The following CEP295 variants were observed in gnomAD, a reference collection of about 807,000 sequenced individuals.
CEP295 encodes centrosomal protein of 295 kDa.
In CEP295, 190 loss-of-function variants were observed where a neutral mutation model predicts 291.6. The observed-to-expected ratio is 0.65, with a 90% confidence interval of 0.58 to 0.73. CEP295 has a LOEUF of 0.73. Among genes scored for constraint, CEP295 ranks in the 30% least tolerant of loss-of-function variants. CEP295 has a pLI of 0.00. For synonymous variants in CEP295, 993 were observed against 1,038.8 expected (o/e 0.96, Z 0.85); for missense variants, 2,863 against 2,949.4 (o/e 0.97, Z 0.68).
intron 10 of CEP295, among the ~76,000 whole-genome samples, chr11:93,690,978 G>A (rs1173670435): frequency 6.6e-6 from 1 of 152,086 alleles, no homozygotes; most frequent in Non-Finnish European, 1.5e-5. Context: ...TCAAGTGTCT[G>A]CTTAAATGTC....
At chr11:93,669,972 T>C (rs1163496814) in intron 5 of CEP295, among the ~76,000 whole-genome samples, 3 of 152,170 alleles carry the variant, frequency 2.0e-5, no homozygotes, top group Non-Finnish European at 4.4e-5. Context: ...GTATCTCTGA[T>C]GTATAAGGAC....
At chr11:93,716,428 A>G (rs111850180) in intron 18 of CEP295, among the ~76,000 whole-genome samples, 7 of 152,332 alleles carry the variant, frequency 4.6e-5, no homozygotes, top group African/African-American at 1.4e-4. Flanking sequence ...AGCGATATGA[A>G]GTTAAAACCA....
chr11:93,730,199 A>G (rs1938254310), intron 29 of CEP295, 32 bp from the exon 30 acceptor site: 1 of 1,551,300 alleles, frequency 6.4e-7, no homozygotes, highest in Non-Finnish European at 8.7e-7. Flanking sequence ...TGAAGTACAC[A>G]ACTGAAACTC....
intron 9 of CEP295, among the ~76,000 whole-genome samples, chr11:93,687,261 G>C (rs1951289653): frequency 1.3e-5 from 2 of 152,042 alleles, no homozygotes; most frequent in Admixed American, 1.3e-4. Flanking sequence ...CTCTAGTGTA[G>C]ACTATAGAAC....
intron 1 of CEP295, among the ~76,000 whole-genome samples, chr11:93,665,251 A>C (rs1338542800): frequency 6.6e-6 from 1 of 152,258 alleles, no homozygotes; most frequent in Admixed American, 6.5e-5. Flanking sequence ...AAATGGCAGT[A>C]ATAGGAGCCA....
Position 93,699,394 on chromosome 11 carries a change from T to C in CEP295, c.4482T>C (p.Ser1494=). 1 of 1,551,826 alleles carries C rather than the reference T, an allele frequency of 6.4e-7. No individual in the cohort carries two copies. The highest frequency in any genetic ancestry group is 8.7e-7 in the Non-Finnish European group (1 of 1,146,992). The change falls in exon 15 of 30, where the codon TCT becomes TCC. Residue 1494 remains serine, a synonymous_variant. Coordinates refer to ENST00000325212, the MANE Select transcript of CEP295 (RefSeq NM_033395.2). ...GTAAATTTGAGGAAAAGGTATCTTC[T>C]GAGCATTTTATCCAGTCTCACCATG... ...KPCKFEEKVS[S]EHFIQSHHGD...
Position 93,728,828 on chromosome 11 carries a change from T to TA in CEP295, c.7302+7_7302+8insA. ...AGCAAAATGCTTCTTTCAGGTAAAT[T>TA]TAAGCTTTCCTTCTATTTTATTCTA... On this transcript the variant is annotated splice_region_variant and intron_variant, in intron 25 of 29. Transcript: ENST00000325212. 1.3e-6 allele frequency: 2 copies of TA among 1,533,712 alleles called. No homozygotes were observed. The highest frequency in any genetic ancestry group is 1.8e-6 in the Non-Finnish European group (2 of 1,142,414).
In CEP295 at chr11:93,688,529, C is replaced by G. The variant is rs552510642; in HGVS notation, c.1336+664C>G. 1.3e-3 allele frequency among the ~76,000 whole-genome samples: 193 copies of G among 151,854 alleles called. 5 individuals carry two copies. Among genetic ancestry groups the G allele is most frequent in the Non-Finnish European group, 4.0e-4 (27 of 67,982 alleles). Reference sequence around the variant, plus strand: ...ATTTTATCCTGAGTCCCACAGGAAGCCTTCTTGAAGTATTTTCTTCCCTTG... The same window carrying G: ...ATTTTATCCTGAGTCCCACAGGAAGGCTTCTTGAAGTATTTTCTTCCCTTG... On this transcript the variant is annotated intron_variant, in intron 10 of 29. Transcript: ENST00000325212.
At chr11:93,712,995 G>C (rs1436584372) in intron 18 of CEP295, among the ~76,000 whole-genome samples, 1 of 150,976 alleles carries the variant, frequency 6.6e-6, no homozygotes, top group Non-Finnish European at 1.5e-5. Flanking sequence ...TTACCCTGAA[G>C]CTTGCAGATA....
In CEP295 at chr11:93,727,251, T is replaced by C. The variant is rs1236671093; in HGVS notation, c.6775T>C (p.Cys2259Arg). ...DQLNVQHSTP[C>R]GSNSSECSTK... is the part of the protein sequence containing the mutation. ...GTTAAATGTACAGCATAGCACTCCA[T>C]GTGGTTCTAACTCTAGTGAGTGCTC... The change falls in exon 24 of 30, where the codon TGT becomes CGT. Residue 2259 changes from cysteine to arginine, a missense_variant. Physicochemically the swap from Cys to Arg is radical, Grantham distance 180. Transcript: ENST00000325212. The C allele has an allele frequency of 1.3e-6, 2 of 1,551,750 alleles. No homozygotes were observed. The highest frequency in any genetic ancestry group is 2.4e-5 in the East Asian group (1 of 40,904).
At chr11:93,711,073 G>A (rs1183031208) in intron 18 of CEP295, among the ~76,000 whole-genome samples, 2 of 151,426 alleles carry the variant, frequency 1.3e-5, no homozygotes, top group Admixed American at 1.3e-4. Flanking sequence ...TTGATCTTTT[G>A]CATTATTTTA....
At position 93,696,759 on chromosome 11, in the gene CEP295, C is replaced by G. The variant is rs924604567; in HGVS notation, c.1847C>G (p.Ser616Trp). Residue 616 changes from serine to tryptophan, a missense_variant, in exon 15 of 30, where the codon TCG (serine) becomes TGG (tryptophan). Coordinates refer to ENST00000325212, the MANE Select transcript of CEP295 (RefSeq NM_033395.2). The part of the protein sequence containing the change: ...YQTMLKGRCP[S>W]VSAPSLITDS... Reference sequence around the variant, plus strand: ...ACTATGTTAAAAGGAAGGTGCCCATCGGTGTCAGCTCCATCATTGATAACT... The same window carrying G: ...ACTATGTTAAAAGGAAGGTGCCCATGGGTGTCAGCTCCATCATTGATAACT... 8.4e-6 allele frequency: 13 copies of G among 1,551,188 alleles called. No individual in the cohort carries two copies. The South Asian group carries it at 1.4e-4, about 17-fold the overall frequency.
At chr11:93,680,029 C>G (rs1014273750) in intron 7 of CEP295, among the ~76,000 whole-genome samples, 2 of 152,168 alleles carry the variant, frequency 1.3e-5, no homozygotes, top group Non-Finnish European at 2.9e-5. Context: ...GTAATCCCAG[C>G]ACTCTGGGAG....
chr11:93,709,312 T>A (rs1952736359), intron 18 of CEP295, among the ~76,000 whole-genome samples: 1 of 152,186 alleles, frequency 6.6e-6, no homozygotes, highest in Admixed American at 6.5e-5. Context: ...CATTTTGGTT[T>A]GATTTTTGTA....
In CEP295 at chr11:93,668,881, C is replaced by G; in HGVS notation, c.383C>G (p.Ala128Gly). 1.4e-6 allele frequency: 2 copies of G among 1,410,496 alleles called. No homozygotes were observed. Among genetic ancestry groups the G allele is most frequent in the East Asian group, 2.5e-5 (1 of 39,958 alleles). 87.4% of individuals were successfully genotyped at this position (1,410,496 alleles called of 1,614,324 possible). A position where few individuals can be genotyped will look rare whatever the true frequency, so the allele number is the denominator to read the frequency against. ...KRKADLRHKE[A>G]LKVQKNQKEI... Reference sequence around the variant, plus strand: ...AAAGCAGATTTGAGGCATAAAGAAGCCTTGAAAGTACAGAAAAATCAAAAA... The same window carrying G: ...AAAGCAGATTTGAGGCATAAAGAAGGCTTGAAAGTACAGAAAAATCAAAAA... Residue 128 changes from alanine (A) to glycine (G), a missense_variant, in exon 4 of 30, where the codon GCC becomes GGC. Ala to Gly is a moderately conservative substitution (Grantham distance 60). This residue lies in a region of CEP295 where 554 missense variants were observed against 576.0 expected (regional missense o/e 0.96). Coordinates refer to ENST00000325212, the MANE Select transcript of CEP295 (RefSeq NM_033395.2).
chr11:93,700,570 C>T lies in CEP295; in HGVS notation c.5274+384C>T, dbSNP rs566301396. Among the ~76,000 whole-genome samples, 5 of 151,354 alleles carry T rather than the reference C, an allele frequency of 3.3e-5. No individual in the cohort carries two copies. The South Asian group carries it at 8.4e-4, about 25-fold the overall frequency. ...TCTCCCAAGTAGCTGGGATTACAGA[C>T]ATGTACCACCATGCCTGGCTAAATT... is the stretch of plus-strand genomic sequence containing the variant. On this transcript the variant is annotated intron_variant, in intron 15 of 29. Coordinates refer to ENST00000325212, the MANE Select transcript of CEP295 (RefSeq NM_033395.2).
intron 6 of CEP295, among the ~76,000 whole-genome samples, chr11:93,678,211 A>G (rs773654813): frequency 1.3e-5 from 2 of 152,136 alleles, no homozygotes; most frequent in Admixed American, 1.3e-4. Flanking sequence ...TTTCTTGAAA[A>G]CCTCATGGCT....
intron 22 of CEP295, among the ~76,000 whole-genome samples, chr11:93,725,322 T>C (rs1214063760): frequency 6.6e-6 from 1 of 152,050 alleles, no homozygotes; most frequent in Non-Finnish European, 1.5e-5. Flanking sequence ...GGGAGTATGA[T>C]GCCATAAAAG....
chr11:93,696,304 C>T lies in CEP295; in HGVS notation c.1672-16C>T, dbSNP rs1951840543. On this transcript the variant is annotated splice_polypyrimidine_tract_variant and intron_variant, in intron 13 of 29. Coordinates refer to ENST00000325212, the MANE Select transcript of CEP295 (RefSeq NM_033395.2). Reference sequence around the variant, plus strand: ...TCTAAATTTGCTTTTTAATTAGTAACTTTGTCTTTTATTAGGTTGGCATTG... The same window carrying T: ...TCTAAATTTGCTTTTTAATTAGTAATTTTGTCTTTTATTAGGTTGGCATTG... 6.7e-7 allele frequency: 1 copy of T among 1,500,322 alleles called. No homozygotes were observed. The highest frequency in any genetic ancestry group is 1.2e-5 in the South Asian group (1 of 80,864). 92.9% of individuals were successfully genotyped at this position (1,500,322 alleles called of 1,614,324 possible). A position where few individuals can be genotyped will look rare whatever the true frequency, so the allele number is the denominator to read the frequency against.
Sources: gnomAD v4.1 joint callset for allele counts (sites outside exome capture counted in the v4.1 genomes callset) on GRCh38, gnomAD v4.1.1 for gene constraint, gnomAD v4.1.1 regional missense constraint, MANE v1.5 for transcripts, NCBI Gene and HGNC (gene_info 2026-07-23, HGNC 2026-07-21) for gene names.